Variants in DCBLD2 observed in about 807,000 individuals in gnomAD.
DCBLD2 encodes discoidin, CUB and LCCL domain-containing protein 2.
A neutral mutation model predicts 86.8 loss-of-function variants in DCBLD2; 54 were observed. That is an observed-to-expected ratio of 0.62 (90% CI 0.50 to 0.78). The LOEUF (loss-of-function observed/expected upper bound fraction) is 0.78. DCBLD2 is among the 30% of genes least tolerant of loss of function. The pLI is 0.00. For synonymous variants in DCBLD2, 354 were observed against 341.3 expected (o/e 1.04, Z -0.41); for missense variants, 908 against 954.2 (o/e 0.95, Z 0.64).
At chr3:98,893,348 A>C (rs1943696369) in intron 1 of DCBLD2, among the ~76,000 whole-genome samples, 2 of 151,850 alleles carry the variant, frequency 1.3e-5, no homozygotes, top group African/African-American at 4.8e-5. Flanking sequence ...GTCCAAGTCC[A>C]AAGCCTCCAG....
intron 1 of DCBLD2, among the ~76,000 whole-genome samples, chr3:98,897,051 T>A (rs1379626510): frequency 6.6e-6 from 1 of 152,228 alleles, no homozygotes; most frequent in African/African-American, 2.4e-5. Context: ...ACATACATGA[T>A]CTATTAACTT....
At chr3:98,800,281 G>C (rs1031578077) in intron 15 of DCBLD2, among the ~76,000 whole-genome samples, 2 of 152,012 alleles carry the variant, frequency 1.3e-5, no homozygotes, top group African/African-American at 4.8e-5. Context: ...ACACTGTAAG[G>C]CTTCTTCTGT....
At chr3:98,896,460 T>G (rs1267275833) in intron 1 of DCBLD2, among the ~76,000 whole-genome samples, 3 of 152,240 alleles carry the variant, frequency 2.0e-5, no homozygotes, top group Non-Finnish European at 4.4e-5. Context: ...GATAAAATTT[T>G]GCATTTTGAA....
intron 3 of DCBLD2, among the ~76,000 whole-genome samples, chr3:98,829,486 C>T (rs1177361387): frequency 6.6e-6 from 1 of 152,108 alleles, no homozygotes; most frequent in Non-Finnish European, 1.5e-5. Context: ...TTTATGTGTC[C>T]ATGTGCTACA....
chr3:98,833,014 A>G (rs1369808802), intron 3 of DCBLD2, among the ~76,000 whole-genome samples: 1 of 152,188 alleles, frequency 6.6e-6, no homozygotes, highest in Non-Finnish European at 1.5e-5. Flanking sequence ...TGATATCCTG[A>G]AATATGTTTT....
intron 1 of DCBLD2, among the ~76,000 whole-genome samples, chr3:98,890,678 A>G (rs778264736): frequency 6.6e-6 from 1 of 151,724 alleles, no homozygotes; most frequent in African/African-American, 2.4e-5. Context: ...CCCTTACTTC[A>G]TATCTCCCCT....
chr3:98,806,064 C>T (rs1050253983), intron 13 of DCBLD2, among the ~76,000 whole-genome samples: 15 of 152,110 alleles, frequency 9.9e-5, no homozygotes, highest in Non-Finnish European at 1.3e-4. Flanking sequence ...TTCTGTAAAA[C>T]GGGGCTTATT....
In DCBLD2 at chr3:98,849,478, G is replaced by C; in HGVS notation, c.554C>G (p.Ser185Cys). The stretch of plus-strand genomic sequence containing the variant: ...AAAATTACCTTGTTTATCTATAACA[G>C]AGTATGAGGCCAAAAATCCGCGTCC... The part of the protein sequence containing the change: ...VSGRGFLASY[S>C]VIDKQDLITC... The change falls in exon 3 of 16, where the codon TCT (serine) becomes TGT (cysteine). Residue 185 changes from serine (S) to cysteine (C), a missense_variant. Transcript: ENST00000326840. 3 of 1,613,968 alleles carry C rather than the reference G, an allele frequency of 1.9e-6. No individual in the cohort carries two copies. The highest frequency in any genetic ancestry group is 8.5e-7 in the Non-Finnish European group (1 of 1,179,874).
intron 2 of DCBLD2, among the ~76,000 whole-genome samples, chr3:98,880,621 A>G (rs886150964): frequency 2.0e-5 from 3 of 152,196 alleles, no homozygotes; most frequent in African/African-American, 7.2e-5. Context: ...ATATGCAGCT[A>G]TAATTGAGAA....
At chr3:98,866,464 T>C (rs932413805) in intron 2 of DCBLD2, among the ~76,000 whole-genome samples, 1 of 152,224 alleles carries the variant, frequency 6.6e-6, no homozygotes, top group Non-Finnish European at 1.5e-5. Flanking sequence ...TGGCCAGTGA[T>C]GATGAGCATT....
chr3:98,849,543 A>G lies in DCBLD2; in HGVS notation c.489T>C (p.Asn163=), dbSNP rs1942795097. 1 of 1,613,918 alleles carries G rather than the reference A, an allele frequency of 6.2e-7. No individual in the cohort carries two copies. The highest frequency in any genetic ancestry group is 8.5e-7 in the Non-Finnish European group (1 of 1,179,820). ...CACTCATGAACAGCAATGTGATTTCATTGCCTTTTGATTCAATTGAATGGT... is the reference window on the plus strand; with the variant it reads ...CACTCATGAACAGCAATGTGATTTCGTTGCCTTTTGATTCAATTGAATGGT... The part of the protein sequence containing the change: ...QMNHSIESKG[N]EITLLFMSGI... Residue 163 remains asparagine (N), a synonymous_variant, in exon 3 of 16, where the codon AAT becomes AAC. Coordinates refer to ENST00000326840, the MANE Select transcript of DCBLD2 (RefSeq NM_080927.4).
At chr3:98,832,394 C>T (rs1942339098) in intron 3 of DCBLD2, among the ~76,000 whole-genome samples, 1 of 152,086 alleles carries the variant, frequency 6.6e-6, no homozygotes, top group African/African-American at 2.4e-5. Flanking sequence ...ATTCAGCATG[C>T]CACTCTATGC....
intron 1 of DCBLD2, among the ~76,000 whole-genome samples, chr3:98,894,084 T>C (rs1943709936): frequency 6.6e-6 from 1 of 152,080 alleles, no homozygotes; most frequent in Admixed American, 6.6e-5. Context: ...GAAAGAGCAT[T>C]GTTGAGATGA....
intron 2 of DCBLD2, among the ~76,000 whole-genome samples, chr3:98,862,453 C>A (rs567574275): frequency 6.6e-6 from 1 of 152,118 alleles, no homozygotes; most frequent in African/African-American, 2.4e-5. Flanking sequence ...TGATGAACAT[C>A]GATGCAAAAA....
chr3:98,881,417 C>T lies in DCBLD2; in HGVS notation c.433+123G>A, dbSNP rs1943468131. The T allele has an allele frequency of 5.9e-6, 5 of 845,446 alleles. No homozygotes were observed. In the East Asian group the frequency reaches 1.0e-4, roughly 17 times the overall value. 52.4% of individuals were successfully genotyped at this position (845,446 alleles called of 1,614,324 possible). A position where few individuals can be genotyped will look rare whatever the true frequency, so the allele number is the denominator to read the frequency against. On this transcript the variant is annotated intron_variant, in intron 2 of 15. Transcript: ENST00000326840. ...AAAAGATTCAAATTCAAAATTTTTA[C>T]ACATATTCAATAATTTCCCACATAG...
Position 98,825,351 on chromosome 3 carries a change from A to G in DCBLD2, c.587T>C (p.Leu196Ser). ...TTCCAAAAAATTGGATGCAGTGTCC[A>G]AACAAGTAATTAGATCTAGAAAAAC... The part of the protein sequence containing the change: ...VIDKQDLITC[L>S]DTASNFLEPE... The change falls in exon 4 of 16, where the codon TTG (leucine) becomes TCG (serine). Residue 196 changes from leucine to serine, a missense_variant. Leu to Ser is a moderately radical substitution (Grantham distance 145, BLOSUM62 -2). This residue lies in a region of DCBLD2 where 294 missense variants were observed against 256.0 expected (regional missense o/e 1.15). Transcript: ENST00000326840. The G allele has an allele frequency of 1.3e-6, 2 of 1,559,248 alleles. No individual in the cohort carries two copies. Among genetic ancestry groups the G allele is most frequent in the South Asian group, 1.2e-5 (1 of 80,184 alleles).
chr3:98,844,643 G>A (rs1942687162), intron 3 of DCBLD2, among the ~76,000 whole-genome samples: 1 of 152,098 alleles, frequency 6.6e-6, no homozygotes, highest in South Asian at 2.1e-4. Flanking sequence ...GATTACAAGT[G>A]TGAACCACCG....
intron 13 of DCBLD2, among the ~76,000 whole-genome samples, chr3:98,803,675 G>A (rs1941773021): frequency 2.0e-5 from 3 of 152,312 alleles, no homozygotes; most frequent in Admixed American, 1.3e-4. Context: ...GATATTGGCT[G>A]TGGGTTTGTC....
chr3:98,900,894 T>C, intron 1 of DCBLD2: 2 of 702,690 alleles, frequency 2.8e-6, no homozygotes, highest in South Asian at 1.9e-5. Flanking sequence ...CACGTCCCCC[T>C]TTCAGAAAAA....
Sources: allele counts gnomAD v4.1 joint callset (sites outside exome capture counted in the v4.1 genomes callset), GRCh38; gene constraint gnomAD v4.1.1; regional missense constraint gnomAD v4.1.1; transcripts MANE v1.5; gene names NCBI Gene and HGNC (gene_info 2026-07-23, HGNC 2026-07-21).